Variants in RGS6 observed in about 807,000 individuals in gnomAD.
RGS6 encodes the protein regulator of G protein signaling 6.
RGS6 carries 30 observed loss-of-function variants against 78.5 expected under a neutral mutation model. The ratio of observed to expected loss-of-function variants is 0.38; its 90% CI spans 0.29 to 0.52. RGS6 has a LOEUF of 0.52. Ranked by LOEUF, RGS6 falls within the 20% of genes least tolerant of loss-of-function variation. The pLI is 0.85. For missense variants in RGS6, 495 were observed against 609.7 expected, an observed-to-expected ratio of 0.81 and a Z score of 1.98; for synonymous variants, 206 against 206.0, an observed-to-expected ratio of 1.00 and a Z score of 0.00.
chr14:72,034,659 G>C (rs1329131324), intron 2 of RGS6, among the ~76,000 whole-genome samples: 1 of 152,086 alleles, frequency 6.6e-6, no homozygotes, highest in African/African-American at 2.4e-5. Context: ...AGGTATCAGA[G>C]TAATGCTGGC....
intron 2 of RGS6, among the ~76,000 whole-genome samples, chr14:72,235,671 C>T (rs541238035): frequency 9.9e-5 from 15 of 152,258 alleles, no homozygotes; most frequent in Non-Finnish European, 1.3e-4. Context: ...TCCTTTGTAA[C>T]GCCAAACCTA....
chr14:71,938,718 C>A (rs1011149933), intron 1 of RGS6, among the ~76,000 whole-genome samples: 3 of 152,146 alleles, frequency 2.0e-5, no homozygotes, highest in Non-Finnish European at 2.9e-5. Context: ...TGCTGCTGTG[C>A]ACAACCCACT....
chr14:72,139,825 C>T (rs905797467), intron 2 of RGS6, among the ~76,000 whole-genome samples: 1 of 152,078 alleles, frequency 6.6e-6, no homozygotes, highest in Non-Finnish European at 1.5e-5. Context: ...CTTCACATTA[C>T]TCAGGCAGAC....
chr14:72,395,478 A>G (rs1199073329), intron 3 of RGS6, among the ~76,000 whole-genome samples: 1 of 152,174 alleles, frequency 6.6e-6, no homozygotes, highest in Non-Finnish European at 1.5e-5. Context: ...AAATGAAACT[A>G]AAGTAACACG....
At chr14:72,074,697 C>G (rs2094517573) in intron 2 of RGS6, among the ~76,000 whole-genome samples, 1 of 152,098 alleles carries the variant, frequency 6.6e-6, no homozygotes, top group African/African-American at 2.4e-5. Flanking sequence ...CCAGCATCCC[C>G]CCACTTGTTT....
intron 3 of RGS6, among the ~76,000 whole-genome samples, chr14:72,408,987 T>A (rs1185574242): frequency 1.3e-5 from 2 of 152,162 alleles, no homozygotes; most frequent in Non-Finnish European, 2.9e-5. Flanking sequence ...AGAAAATGAC[T>A]CTTATTCTGA....
chr14:72,469,931 C>T lies in RGS6; in HGVS notation c.460-76C>T, dbSNP rs571496165. 28 of 1,054,362 alleles carry T rather than the reference C, an allele frequency of 2.7e-5. No individual in the cohort carries two copies. In the East Asian group the frequency reaches 6.4e-4, roughly 24 times the overall value. The allele number at this position is 1,054,362 out of a possible 1,614,324, so 65.3% of individuals were successfully genotyped here. On this transcript the variant is annotated intron_variant, in intron 7 of 17. Coordinates refer to ENST00000553525, the MANE Select transcript of RGS6 (RefSeq NM_001204424.2). ...GGAAGTAACCAAAATTGATGGATGC[C>T]TTATAATAAGCATAGGTGTCGATGT...
chr14:72,596,976 C>T, the RGS6 span, among the ~76,000 whole-genome samples: 80 of 152,272 alleles, frequency 5.3e-4, no homozygotes, highest in African/African-American at 1.6e-3. Context: ...CGGTGGCTCA[C>T]GCCTGTAATC....
At chr14:72,078,110 T>C (rs2094657408) in intron 2 of RGS6, among the ~76,000 whole-genome samples, 1 of 152,172 alleles carries the variant, frequency 6.6e-6, no homozygotes, top group African/African-American at 2.4e-5. Flanking sequence ...GATTAGATCA[T>C]GGGGAGGCTT....
At chr14:72,596,705 A>G in the RGS6 span, among the ~76,000 whole-genome samples, 1 of 152,220 alleles carries the variant, frequency 6.6e-6, no homozygotes, top group African/African-American at 2.4e-5. Context: ...ATCATAACTA[A>G]GTGGTTACTA....
intron 2 of RGS6, among the ~76,000 whole-genome samples, chr14:72,068,435 G>A (rs921223511): frequency 2.0e-5 from 3 of 149,964 alleles, no homozygotes; most frequent in Non-Finnish European, 4.4e-5. Flanking sequence ...GCATCTGGCC[G>A]AATATCAGTT....
intron 2 of RGS6, among the ~76,000 whole-genome samples, chr14:72,019,643 TG>T (rs2087924393): frequency 6.6e-6 from 1 of 152,200 alleles, no homozygotes; most frequent in Admixed American, 6.5e-5. Flanking sequence ...ATGTGGCTTA[TG>T]GAAGGCTATA....
intron 2 of RGS6, among the ~76,000 whole-genome samples, chr14:72,302,689 C>A (rs577600902): frequency 9.9e-5 from 15 of 152,020 alleles, no homozygotes; most frequent in Admixed American, 9.8e-4. Context: ...CATACACACA[C>A]ACACACACAC....
At chr14:72,351,075 G>C (rs1163700441) in intron 2 of RGS6, among the ~76,000 whole-genome samples, 1 of 152,094 alleles carries the variant, frequency 6.6e-6, no homozygotes, top group Non-Finnish European at 1.5e-5. Flanking sequence ...GAATAAGTGA[G>C]CTGTAAGACT....
In RGS6 at chr14:71,981,967, G is replaced by T. The variant is rs575436842; in HGVS notation, c.84+17092G>T. 7.5e-3 allele frequency among the ~76,000 whole-genome samples: 1,139 copies of T among 150,900 alleles called. 15 individuals are homozygous for T. Among genetic ancestry groups the T allele is most frequent in the African/African-American group, 0.025 (1,041 of 41,114 alleles). On this transcript the variant is annotated intron_variant, in intron 2 of 17. Transcript: ENST00000553525. ...CGTGGGCGTAGGACCCTCCGAGCCA[G>T]GTGTGGGATATAATCTCGTGGTGCG...
intron 2 of RGS6, among the ~76,000 whole-genome samples, chr14:72,107,217 A>G (rs1165613300): frequency 1.3e-5 from 2 of 152,098 alleles, no homozygotes; most frequent in African/African-American, 4.8e-5. Context: ...TGTCATGTTC[A>G]GAAGGGGACC....
intron 2 of RGS6, among the ~76,000 whole-genome samples, chr14:72,030,147 G>A (rs1224940643): frequency 6.6e-6 from 1 of 152,146 alleles, no homozygotes; most frequent in Non-Finnish European, 1.5e-5. Flanking sequence ...CTCCTAAAAG[G>A]ATAGTGAAGA....
chr14:72,172,272 A>G (rs1443052118), intron 2 of RGS6, among the ~76,000 whole-genome samples: 1 of 151,128 alleles, frequency 6.6e-6, no homozygotes, highest in Non-Finnish European at 1.5e-5. Flanking sequence ...ATGATGTCAT[A>G]GTTCTTTTGT....
the RGS6 span, among the ~76,000 whole-genome samples, chr14:72,572,555 T>C: frequency 1.3e-5 from 2 of 152,150 alleles, no homozygotes; most frequent in African/African-American, 2.4e-5. Context: ...CAAAAGACTA[T>C]AGATTGTATG....
Sources: allele counts gnomAD v4.1 joint callset (sites outside exome capture counted in the v4.1 genomes callset), GRCh38; gene constraint gnomAD v4.1.1; transcripts MANE v1.5; gene names NCBI Gene and HGNC (gene_info 2026-07-23, HGNC 2026-07-21).